Variants in DIP2C observed in about 807,000 individuals in gnomAD.
The protein encoded by DIP2C is disco-interacting protein 2 homolog C.
Under a neutral mutation model 192.4 loss-of-function variants are expected in DIP2C, and 33 were observed. That is an observed-to-expected ratio of 0.17 (90% confidence interval 0.13 to 0.23). The LOEUF is 0.23. DIP2C is among the 10% of genes least tolerant of loss of function. DIP2C has a pLI of 1.00. For synonymous variants in DIP2C, 979 were observed against 864.1 expected, an observed-to-expected ratio of 1.13 and a Z score of -2.33; for missense variants, 1,537 against 2,110.1, an observed-to-expected ratio of 0.73 and a Z score of 5.32.
chr10:435,235 G>A (rs1015421816), intron 4 of DIP2C, among the ~76,000 whole-genome samples: 10 of 152,090 alleles, frequency 6.6e-5, no homozygotes, highest in Admixed American at 6.6e-4. Flanking sequence ...TTTTCCCCAG[G>A]CCGGAAGGCT....
At chr10:547,303 A>ACC (rs1221776442) in intron 1 of DIP2C, among the ~76,000 whole-genome samples, 2 of 152,142 alleles carry the variant, frequency 1.3e-5, no homozygotes, top group East Asian at 3.9e-4. Flanking sequence ...AGAAGCATGC[A>ACC]CCCACACATC....
chr10:528,329 C>G (rs936952943), intron 1 of DIP2C, among the ~76,000 whole-genome samples: 2 of 151,888 alleles, frequency 1.3e-5, no homozygotes, highest in Admixed American at 1.3e-4. Context: ...CCGCCCACAG[C>G]TCCCCCAGAA....
chr10:676,369 T>C (rs1425692517), intron 1 of DIP2C, among the ~76,000 whole-genome samples: 1 of 152,042 alleles, frequency 6.6e-6, no homozygotes, highest in East Asian at 1.9e-4. Context: ...GACGCCCACT[T>C]GTACCACTCC....
chr10:309,329 T>C (rs565264656), intron 32 of DIP2C, among the ~76,000 whole-genome samples: 10 of 152,110 alleles, frequency 6.6e-5, no homozygotes, highest in Non-Finnish European at 1.0e-4. Context: ...GGAGGCCACA[T>C]AGAGAAGGTA....
In DIP2C at chr10:345,119, A is replaced by G; in HGVS notation, c.3232-9T>C. 6.2e-7 allele frequency: 1 copy of G among 1,607,940 alleles called. No individual in the cohort carries two copies. Among genetic ancestry groups the G allele is most frequent in the South Asian group, 1.1e-5 (1 of 90,226 alleles). On this transcript the variant is annotated splice_polypyrimidine_tract_variant and intron_variant, in intron 26 of 36. Coordinates refer to ENST00000280886, the MANE Select transcript of DIP2C (RefSeq NM_014974.3). ...CAGGCAGAGCGACTCACCTGGCATC[A>G]GAGAGCGAGAATGGAGCCATGAACG...
chr10:408,274 C>G (rs1964952077), intron 9 of DIP2C, among the ~76,000 whole-genome samples: 1 of 152,150 alleles, frequency 6.6e-6, no homozygotes, highest in African/African-American at 2.4e-5. Flanking sequence ...TATCTCTGGG[C>G]CCTTTATTCT....
At chr10:401,351 G>A (rs1564664853) in intron 9 of DIP2C, among the ~76,000 whole-genome samples, 1 of 151,792 alleles carries the variant, frequency 6.6e-6, no homozygotes, top group Non-Finnish European at 1.5e-5. Flanking sequence ...TTTTACATGT[G>A]TGGTAGCATT....
At chr10:529,144 G>C (rs1164596374) in intron 1 of DIP2C, among the ~76,000 whole-genome samples, 5 of 152,112 alleles carry the variant, frequency 3.3e-5, no homozygotes, top group Non-Finnish European at 7.4e-5. Context: ...CATTCTTCTA[G>C]GCCATCTCAT....
intron 35 of DIP2C, among the ~76,000 whole-genome samples, chr10:282,305 G>T (rs948965721): frequency 2.0e-5 from 3 of 152,142 alleles, no homozygotes; most frequent in African/African-American, 7.2e-5. Context: ...ACTATAAATT[G>T]CCACCAGCTT....
intron 22 of DIP2C, among the ~76,000 whole-genome samples, chr10:361,348 G>A (rs1272812667): frequency 6.6e-6 from 1 of 152,154 alleles, no homozygotes; most frequent in South Asian, 2.1e-4. Flanking sequence ...TGCTGGCTCT[G>A]TCTCCCCACT....
At chr10:494,190 G>A (rs1027477697) in intron 1 of DIP2C, among the ~76,000 whole-genome samples, 3 of 152,162 alleles carry the variant, frequency 2.0e-5, no homozygotes, top group African/African-American at 7.2e-5. Flanking sequence ...GAACTGCTAA[G>A]GCTATCAAAG....
At chr10:433,392 G>A (rs1966916514) in intron 4 of DIP2C, among the ~76,000 whole-genome samples, 1 of 152,146 alleles carries the variant, frequency 6.6e-6, no homozygotes, top group Non-Finnish European at 1.5e-5. Context: ...TTTAAAATTA[G>A]TGTTGGCTGG....
chr10:669,091 G>T (rs1244612687), intron 1 of DIP2C: 1 of 152,210 alleles, frequency 6.6e-6, no homozygotes, highest in Admixed American at 6.5e-5. Flanking sequence ...GGAGAAATTG[G>T]CAGGTGGAGA....
chr10:545,165 C>T (rs1390293666), intron 1 of DIP2C, among the ~76,000 whole-genome samples: 3 of 91,892 alleles, frequency 3.3e-5, no homozygotes, highest in African/African-American at 1.1e-4. Context: ...TGGTGTTTTC[C>T]CTTTTTTTTT....
intron 1 of DIP2C, among the ~76,000 whole-genome samples, chr10:672,827 C>T (rs563054741): frequency 5.9e-5 from 9 of 152,340 alleles, no homozygotes; most frequent in Admixed American, 1.3e-4. Context: ...CCTGCCCAGC[C>T]TCCTGATTCT....
intron 1 of DIP2C, among the ~76,000 whole-genome samples, chr10:504,915 A>G (rs1315556851): frequency 2.0e-5 from 3 of 152,014 alleles, no homozygotes; most frequent in Non-Finnish European, 4.4e-5. Context: ...TTCAATCTCC[A>G]TTTCTCAACA....
intron 1 of DIP2C, among the ~76,000 whole-genome samples, chr10:672,130 T>A (rs1252974155): frequency 1.0e-4 from 11 of 106,218 alleles, no homozygotes; most frequent in Non-Finnish European, 2.1e-4. Context: ...GGAAACGTCA[T>A]AGACACATGG....
intron 18 of DIP2C, among the ~76,000 whole-genome samples, chr10:369,126 G>A (rs1960655323): frequency 6.6e-6 from 1 of 152,270 alleles, no homozygotes; most frequent in Non-Finnish European, 1.5e-5. Context: ...CGGAAGCCGA[G>A]CTTGGCTGTT....
At chr10:520,235 C>T (rs185470867) in intron 1 of DIP2C, among the ~76,000 whole-genome samples, 6 of 152,238 alleles carry the variant, frequency 3.9e-5, no homozygotes, top group African/African-American at 1.4e-4. Context: ...CAACAAGCAG[C>T]GCTCAGCAGG....
Sources: allele counts gnomAD v4.1 joint callset (sites outside exome capture counted in the v4.1 genomes callset), GRCh38; gene constraint gnomAD v4.1.1; transcripts MANE v1.5; gene names NCBI Gene and HGNC (gene_info 2026-07-23, HGNC 2026-07-21).